Variants in DMC1 observed in about 807,000 individuals in gnomAD.
DMC1 encodes the protein meiotic recombination protein DMC1 homolog.
A neutral mutation model predicts 50.1 loss-of-function variants in DMC1; 27 were observed. That is an observed-to-expected ratio of 0.54 (90% CI 0.40 to 0.74). The LOEUF (loss-of-function observed/expected upper bound fraction) is 0.74, where lower values mean the gene tolerates loss of function less well. Ranked by LOEUF, DMC1 falls within the 30% of genes least tolerant of loss-of-function variation. DMC1 has a pLI of 0.00. For missense variants in DMC1, 295 were observed against 420.2 expected, an observed-to-expected ratio of 0.70 and a Z score of 2.60; for synonymous variants, 148 against 136.1, an observed-to-expected ratio of 1.09 and a Z score of -0.61.
At chr22:38,562,943 A>G (rs560123683) in intron 4 of DMC1, among the ~76,000 whole-genome samples, 1 of 151,962 alleles carries the variant, frequency 6.6e-6, no homozygotes, top group Non-Finnish European at 1.5e-5. Context: ...AATTTTTTGT[A>G]TTTTTAGTAG....
At chr22:38,550,652 C>T (rs895439136) in intron 7 of DMC1, among the ~76,000 whole-genome samples, 4 of 147,274 alleles carry the variant, frequency 2.7e-5, no homozygotes, top group Admixed American at 6.8e-5. Flanking sequence ...CAAATATGGC[C>T]GGGCATGGTG....
chr22:38,550,679 C>T (rs1442906167), intron 7 of DMC1, among the ~76,000 whole-genome samples: 1 of 149,502 alleles, frequency 6.7e-6, no homozygotes, highest in Non-Finnish European at 1.5e-5. Flanking sequence ...GCCTGTAATC[C>T]CAGCACTTTG....
At chr22:38,539,866 A>C (rs2090261442) in intron 8 of DMC1, among the ~76,000 whole-genome samples, 1 of 152,176 alleles carries the variant, frequency 6.6e-6, no homozygotes, top group Non-Finnish European at 1.5e-5. Flanking sequence ...AATATCACTG[A>C]ATTATAATTC....
At position 38,562,384 on chromosome 22, in the gene DMC1, A is replaced by G. The variant is rs2090536882; in HGVS notation, c.244-15T>C. 6.4e-7 allele frequency: 1 copy of G among 1,561,248 alleles called. No individual in the cohort carries two copies. The highest frequency in any genetic ancestry group is 8.8e-7 in the Non-Finnish European group (1 of 1,132,784). On this transcript the variant is annotated splice_polypyrimidine_tract_variant and intron_variant, in intron 4 of 13. Coordinates refer to ENST00000216024, the MANE Select transcript of DMC1 (RefSeq NM_007068.4). ...AATCCTGGTTCCTACAGAAAGATAA[A>G]AGGAAATGTTCAAAAAGAGTTTAAA...
Position 38,549,929 on chromosome 22 carries a change from T to C in DMC1, c.490A>G (p.Thr164Ala), listed in dbSNP as rs779893114. The C allele has an allele frequency of 3.1e-6, 5 of 1,610,966 alleles. No homozygotes were observed. Among genetic ancestry groups the C allele is most frequent in the Middle Eastern group, 1.7e-4 (1 of 5,892 alleles). The change falls in exon 8 of 14, where the codon ACT becomes GCT. Residue 164 changes from threonine to alanine, a missense_variant. Thr to Ala is a moderately conservative substitution (Grantham distance 58). Coordinates refer to ENST00000216024, the MANE Select transcript of DMC1 (RefSeq NM_007068.4). ...GKIIFIDTEN[T>A]FRPDRLRDIA... is the part of the protein sequence containing the mutation. ...AACTTTAAATAAAAAGGTTACAAAG[T>C]ATTTTCTGTATCAATGAAGATAATC...
At chr22:38,529,990 G>C (rs1325059824) in intron 12 of DMC1, among the ~76,000 whole-genome samples, 1 of 151,968 alleles carries the variant, frequency 6.6e-6, no homozygotes, top group African/African-American at 2.4e-5. Context: ...TTTGGAGATG[G>C]AGTCTTGCTC....
chr22:38,554,399 G>C (rs1419350261), intron 6 of DMC1, among the ~76,000 whole-genome samples: 1 of 143,444 alleles, frequency 7.0e-6, no homozygotes, highest in Non-Finnish European at 1.5e-5. Context: ...CTAAGACTGA[G>C]TCAACAGAAA....
At chr22:38,525,344 A>G (rs2090076796) in intron 12 of DMC1, among the ~76,000 whole-genome samples, 1 of 152,132 alleles carries the variant, frequency 6.6e-6, no homozygotes, top group Non-Finnish European at 1.5e-5. Context: ...GACAGAGGCA[A>G]ATATAAAAGA....
Position 38,539,503 on chromosome 22 carries a change from A to G in DMC1, c.495-91T>C, listed in dbSNP as rs1390484433. The G allele has an allele frequency of 7.1e-6, 7 of 990,482 alleles. No individual in the cohort carries two copies. The African/African-American group carries it at 1.1e-4, about 16-fold the overall frequency. 61.4% of individuals were successfully genotyped at this position (990,482 alleles called of 1,614,324 possible). A position where few individuals can be genotyped will look rare whatever the true frequency, so the allele number is the denominator to read the frequency against. On this transcript the variant is annotated intron_variant, in intron 8 of 13. Coordinates refer to ENST00000216024, the MANE Select transcript of DMC1 (RefSeq NM_007068.4). ...AACATAATATCTTCCGTAAATTAAC[A>G]GAGAAGCCAAACAATGTACCTGTGA...
chr22:38,513,436 A>G, the DMC1 span, among the ~76,000 whole-genome samples: 2 of 152,216 alleles, frequency 1.3e-5, no homozygotes, highest in African/African-American at 4.8e-5. Flanking sequence ...AGAAAATGTG[A>G]AACATTTGCC....
intron 4 of DMC1, among the ~76,000 whole-genome samples, chr22:38,566,240 C>T (rs2090579523): frequency 6.7e-6 from 1 of 148,498 alleles, no homozygotes; most frequent in African/African-American, 2.5e-5. Flanking sequence ...CGCCACTGCA[C>T]TCTGGCCTGG....
Position 38,526,666 on chromosome 22 carries a change from T to TTAA in DMC1, c.837-4945_837-4943dup, listed in dbSNP as rs564682211. On this transcript the variant is annotated intron_variant, in intron 12 of 13. Coordinates refer to ENST00000216024, the MANE Select transcript of DMC1 (RefSeq NM_007068.4). ...ACCCCTTCTCTGGTGTACATGGGTA[T>TTAA]TAATAATAATAATAATAACTAAGAT... Among the ~76,000 whole-genome samples, 873 of 151,170 alleles carry TTAA rather than the reference T, an allele frequency of 5.8e-3. 7 individuals are homozygous for TTAA. Among genetic ancestry groups the TTAA allele is most frequent in the African/African-American group, 0.02 (831 of 40,768 alleles).
At chr22:38,555,463 G>A in intron 5 of DMC1, 54 bp from the exon 6 acceptor site, 1 of 1,176,878 alleles carries the variant, frequency 8.5e-7, no homozygotes, top group East Asian at 2.4e-5. Context: ...AATATTAAGA[G>A]AGGAGAAAGT....
chr22:38,548,417 T>TA (rs1167506651), intron 8 of DMC1, among the ~76,000 whole-genome samples: 1 of 151,810 alleles, frequency 6.6e-6, no homozygotes, highest in Non-Finnish European at 1.5e-5. Flanking sequence ...CTACAAAAGA[T>TA]AAAAAAAATT....
At position 38,528,635 on chromosome 22, in the gene DMC1, A is replaced by G. The variant is rs1158993581; in HGVS notation, c.837-6911T>C. Among the ~76,000 whole-genome samples the G allele has an allele frequency of 2.6e-5, 4 of 151,896 alleles. No individual in the cohort carries two copies. In the East Asian group the frequency reaches 8.0e-4, roughly 30 times the overall value. On this transcript the variant is annotated intron_variant, in intron 12 of 13. Transcript: ENST00000216024. ...ACCCTATCTGTACAAAAAATGCAAA[A>G]AATTAACCCGGTGTGGTGGCATGTG...
At chr22:38,536,986 G>A (rs1267847069) in intron 12 of DMC1, among the ~76,000 whole-genome samples, 1 of 152,002 alleles carries the variant, frequency 6.6e-6, no homozygotes, top group Non-Finnish European at 1.5e-5. Flanking sequence ...GAATAGCTGG[G>A]ATTACAGGTG....
At chr22:38,550,922 C>G (rs2090397630) in intron 7 of DMC1, among the ~76,000 whole-genome samples, 1 of 86,434 alleles carries the variant, frequency 1.2e-5, no homozygotes, top group Non-Finnish European at 2.1e-5. Context: ...TAGATCAAGA[C>G]TCCATCTCAA....
rs775352052 is a variant in DMC1, at chr22:38,562,257, T to C, written c.326+30A>G. On this transcript the variant is annotated intron_variant, in intron 5 of 13. Transcript: ENST00000216024. ...AAACATGGTATTCCAAAGATTATGC[T>C]TAGTGATTATAAAAAAGTAAGATAC... 9.5e-6 allele frequency: 13 copies of C among 1,373,302 alleles called. No individual in the cohort carries two copies. The African/African-American group carries it at 1.7e-4, about 18-fold the overall frequency. 85.1% of individuals were successfully genotyped at this position (1,373,302 alleles called of 1,614,324 possible).
intron 12 of DMC1, among the ~76,000 whole-genome samples, chr22:38,527,775 T>C (rs1396708231): frequency 2.6e-5 from 4 of 152,120 alleles, no homozygotes; most frequent in Non-Finnish European, 2.9e-5. Flanking sequence ...TGCCTCAGCC[T>C]CCCAAAGTGC....
Sources: allele counts gnomAD v4.1 joint callset (sites outside exome capture counted in the v4.1 genomes callset), GRCh38; gene constraint gnomAD v4.1.1; transcripts MANE v1.5; gene names NCBI Gene and HGNC (gene_info 2026-07-23, HGNC 2026-07-21).